The following GABRD variants were observed in gnomAD, a reference collection of about 807,000 sequenced individuals.
The protein encoded by GABRD is gamma-aminobutyric acid receptor subunit delta.
GABRD carries 25 observed loss-of-function variants against 47.3 expected under a neutral mutation model. That is an observed-to-expected ratio of 0.53 (90% CI 0.39 to 0.74). The LOEUF is 0.74. Among genes scored for constraint, GABRD ranks in the 30% least tolerant of loss-of-function variants. The pLI, the probability that GABRD is intolerant of heterozygous loss-of-function variation, is 0.00. For synonymous variants in GABRD, 314 were observed against 278.8 expected (o/e 1.13, Z -1.26); for missense variants, 497 against 643.4 (o/e 0.77, Z 2.46).
chr1:2,028,975 G>A lies in GABRD; in HGVS notation c.692-136G>A. On this transcript the variant is annotated intron_variant, in intron 6 of 8. Coordinates refer to ENST00000378585, the MANE Select transcript of GABRD (RefSeq NM_000815.5). The surrounding 1 kb of genome is among the most constrained non-coding windows in gnomAD (Gnocchi z 6.4). ...CCTGACATTTCAGGCCATGTGGTTG[G>A]TGGGGAGGGCAGGGGTCTAAGTCTC... 9.1e-7 allele frequency: 1 copy of A among 1,099,652 alleles called. No homozygotes were observed. Among genetic ancestry groups the A allele is most frequent in the African/African-American group, 1.6e-5 (1 of 63,348 alleles). 68.1% of individuals were successfully genotyped at this position (1,099,652 alleles called of 1,614,324 possible).
chr1:2,025,780 C>A, intron 4 of GABRD, 42 bp downstream of exon 4: 1 of 1,570,856 alleles, frequency 6.4e-7, no homozygotes. Flanking sequence ...AGAGCCTGCC[C>A]GGGCCAAGCG....
At chr1:2,020,322 G>A (rs979553770) in intron 1 of GABRD, among the ~76,000 whole-genome samples, 2 of 152,246 alleles carry the variant, frequency 1.3e-5, no homozygotes, top group African/African-American at 4.8e-5. Flanking sequence ...ATTTAGGGGC[G>A]TCTTTGAAAA....
At chr1:2,022,293 G>C (rs1378798975) in intron 1 of GABRD, 1 of 152,318 alleles carries the variant, frequency 6.6e-6, no homozygotes, top group African/African-American at 2.4e-5. Flanking sequence ...AGGAAGTGAG[G>C]GGCCCTCCAG....
chr1:2,027,567 G>A lies in GABRD; in HGVS notation c.471-10G>A. 2 of 1,611,992 alleles carry A rather than the reference G, an allele frequency of 1.2e-6. No homozygotes were observed. Among genetic ancestry groups the A allele is most frequent in the Non-Finnish European group, 1.7e-6 (2 of 1,179,004 alleles). ...CCCCCAAGGCCTCACTGCCATGCTT[G>A]TCTTGGCAGAATCACCTCCACTGTG... is the stretch of plus-strand genomic sequence containing the variant. On this transcript the variant is annotated splice_polypyrimidine_tract_variant and intron_variant, in intron 4 of 8. Transcript: ENST00000378585.
At chr1:2,029,528 A>T in intron 7 of GABRD, 23 bp from the exon 8 acceptor site, 2 of 1,610,514 alleles carry the variant, frequency 1.2e-6, no homozygotes, top group Non-Finnish European at 1.7e-6. Context: ...GGCTACGACA[A>T]TGGCACCACC....
intron 1 of GABRD, chr1:2,023,751 A>G (rs1658845924): frequency 6.6e-6 from 1 of 152,152 alleles, no homozygotes; most frequent in Non-Finnish European, 1.5e-5. Flanking sequence ...CAGGGGGGTT[A>G]ATCTCAAGGC....
chr1:2,024,960 C>T lies in GABRD; in HGVS notation c.87C>T (p.Gly29=), dbSNP rs79685811. Residue 29 remains glycine, a synonymous_variant, in exon 2 of 9, where the codon GGC becomes GGT. Coordinates refer to ENST00000378585, the MANE Select transcript of GABRD (RefSeq NM_000815.5). ...TCCCCAGAGCGATGAATGACATCGG[C>T]GACTACGTGGGCTCCAACCTGGAGA... ...LRGTRAMNDI[G]DYVGSNLEIS... is the part of the protein sequence containing the mutation. 7.4e-4 allele frequency: 1,194 copies of T among 1,612,538 alleles called. 5 individuals carry two copies. The highest frequency in any genetic ancestry group is 5.5e-3 in the Middle Eastern group (33 of 6,054).
intron 1 of GABRD, chr1:2,023,553 C>G (rs1658838953): frequency 6.6e-6 from 1 of 152,250 alleles, no homozygotes; most frequent in African/African-American, 2.4e-5. Flanking sequence ...AGTAGCCCAG[C>G]ATAGGGCACC....
Position 2,029,969 on chromosome 1 carries a change from C to T in GABRD, c.1060-14C>T, listed in dbSNP as rs28431879. ...CAGTGCTCAGCCCTGTCTCCCCCAC[C>T]GGCCTTCGTGCAGATGGACGTGAGG... is the stretch of plus-strand genomic sequence containing the variant. On this transcript the variant is annotated splice_polypyrimidine_tract_variant and intron_variant, in intron 8 of 8. Coordinates refer to ENST00000378585, the MANE Select transcript of GABRD (RefSeq NM_000815.5). The T allele has an allele frequency of 0.15, 240,483 of 1,610,858 alleles. 21,492 individuals are homozygous for T. Among genetic ancestry groups the T allele is most frequent in the East Asian group, 0.42 (18,768 of 44,842 alleles).
Position 2,030,150 on chromosome 1 carries a change from AG to A in GABRD, c.1229del (p.Gly410GlufsTer99), listed in dbSNP as rs1221360726. The A allele has an allele frequency of 6.3e-7, 1 of 1,577,596 alleles. No individual in the cohort carries two copies. Among genetic ancestry groups the A allele is most frequent in the Non-Finnish European group, 8.6e-7 (1 of 1,160,614 alleles). On this transcript the variant is annotated frameshift_variant, in exon 9 of 9. Coordinates refer to ENST00000378585, the MANE Select transcript of GABRD (RefSeq NM_000815.5). LOFTEE classifies it high-confidence loss of function. The part of the protein sequence containing the change: ...ETKKEGAARS[G>X]GQGGIRARLR... Reference sequence around the variant, plus strand: ...CGAAGAAGGAGGGGGCAGCCCGCTCAGGAGGCCAGGGGGGCATCCGTGCCCG... The same window carrying A: ...CGAAGAAGGAGGGGGCAGCCCGCTCAGAGGCCAGGGGGGCATCCGTGCCCG...
chr1:2,028,770 G>T lies in GABRD; in HGVS notation c.692-341G>T. ...CAGTGCTGGCTCCTTCCAGAGCCTG[G>T]CTGTGCCCGCAGGAGTGTTAGGAGA... On this transcript the variant is annotated intron_variant, in intron 6 of 8. Transcript: ENST00000378585. This position sits in a 1 kb window ranked among gnomAD's most constrained non-coding sequence, Gnocchi z 6.4. 2.8e-6 allele frequency: 1 copy of T among 352,044 alleles called. No homozygotes were observed. The highest frequency in any genetic ancestry group is 5.2e-6 in the Non-Finnish European group (1 of 192,442). The allele number at this position is 352,044 out of a possible 1,614,324, so 21.8% of individuals were successfully genotyped here.
At chr1:2,027,474 G>T in intron 4 of GABRD, 103 bp from the exon 5 acceptor site, 1 of 871,062 alleles carries the variant, frequency 1.1e-6, no homozygotes, top group Non-Finnish European at 1.9e-6. Flanking sequence ...AGTAGCTGGG[G>T]CTCCAGGCAG....
In GABRD at chr1:2,028,584, C is replaced by G. The variant is rs887810031; in HGVS notation, c.691+292C>G. Among the ~76,000 whole-genome samples the G allele has an allele frequency of 1.3e-5, 2 of 152,164 alleles. No homozygotes were observed. The highest frequency in any genetic ancestry group is 2.9e-5 in the Non-Finnish European group (2 of 68,028). ...CTCACTCCTTGGTCCTTTCTCTCTTCCCAGCACTCCAGATTTATGGGAAAC... is the reference window on the plus strand; with the variant it reads ...CTCACTCCTTGGTCCTTTCTCTCTTGCCAGCACTCCAGATTTATGGGAAAC... On this transcript the variant is annotated intron_variant, in intron 6 of 8. Transcript: ENST00000378585. This position sits in a 1 kb window ranked among gnomAD's most constrained non-coding sequence, Gnocchi z 6.4.
intron 1 of GABRD, among the ~76,000 whole-genome samples, chr1:2,019,925 G>T (rs1422648468): frequency 1.3e-5 from 2 of 152,166 alleles, no homozygotes; most frequent in Admixed American, 6.5e-5. Flanking sequence ...GCCGTTCCCC[G>T]TTCCCCCAGT....
intron 1 of GABRD, among the ~76,000 whole-genome samples, 156 bp downstream of exon 1, chr1:2,019,647 G>T (rs1433999958): frequency 6.6e-6 from 1 of 151,524 alleles, no homozygotes; most frequent in African/African-American, 2.4e-5. Context: ...CTTGCCCCGC[G>T]GGCCCCTCGT....
intron 1 of GABRD, among the ~76,000 whole-genome samples, chr1:2,020,645 C>T (rs577169753): frequency 2.6e-5 from 4 of 152,328 alleles, no homozygotes; most frequent in South Asian, 2.1e-4. Context: ...TCCCTTTGTC[C>T]TTCCCCTCCT....
chr1:2,023,960 C>G (rs1015454717), intron 1 of GABRD: 1 of 152,222 alleles, frequency 6.6e-6, no homozygotes, highest in African/African-American at 2.4e-5. Flanking sequence ...CCAGCTCCGG[C>G]GGTGGCTGGA....
rs778258729 is a variant in GABRD, at chr1:2,028,783, G to C, written c.692-328G>C. 13 of 383,414 alleles carry C rather than the reference G, an allele frequency of 3.4e-5. No homozygotes were observed. The highest frequency in any genetic ancestry group is 5.7e-5 in the Non-Finnish European group (12 of 212,178). 23.8% of individuals were successfully genotyped at this position (383,414 alleles called of 1,614,324 possible). The stretch of plus-strand genomic sequence containing the variant: ...TTCCAGAGCCTGGCTGTGCCCGCAG[G>C]AGTGTTAGGAGAGAAAGGGGTGAGC... On this transcript the variant is annotated intron_variant, in intron 6 of 8. Coordinates refer to ENST00000378585, the MANE Select transcript of GABRD (RefSeq NM_000815.5). The surrounding 1 kb of genome is among the most constrained non-coding windows in gnomAD (Gnocchi z 6.4).
chr1:2,026,979 T>C (rs1187844865), intron 4 of GABRD: 1 of 167,108 alleles, frequency 6.0e-6, no homozygotes, highest in African/African-American at 2.4e-5. Flanking sequence ...CATAGGGAGA[T>C]CCTGCCTCTA....
Sources: gnomAD v4.1 joint callset for allele counts (sites outside exome capture counted in the v4.1 genomes callset) on GRCh38, gnomAD v4.1.1 for gene constraint, Gnocchi (gnomAD v3.1) non-coding constraint, MANE v1.5 for transcripts, NCBI Gene and HGNC (gene_info 2026-07-23, HGNC 2026-07-21) for gene names.